Variants in TPH2 observed in about 807,000 individuals in gnomAD.
The protein encoded by TPH2 is tryptophan hydroxylase 2.
Under a neutral mutation model 59.1 loss-of-function variants are expected in TPH2, and 27 were observed. That is an observed-to-expected ratio of 0.46 (90% CI 0.34 to 0.63). The LOEUF is 0.63. Among genes scored for constraint, TPH2 ranks in the 30% least tolerant of loss-of-function variants. The pLI is 0.01. For synonymous variants in TPH2, 220 were observed against 210.5 expected (o/e 1.05, Z -0.39); for missense variants, 523 against 588.3 (o/e 0.89, Z 1.15).
chr12:71,989,419 A>G (rs1872525522), intron 7 of TPH2, among the ~76,000 whole-genome samples: 1 of 152,106 alleles, frequency 6.6e-6, no homozygotes, highest in Non-Finnish European at 1.5e-5. Flanking sequence ...TGAAAAACGC[A>G]CCCTATTTTG....
chr12:71,970,943 T>C (rs67472746), intron 5 of TPH2, among the ~76,000 whole-genome samples: 38,766 of 152,228 alleles, frequency 0.25, 5,516 homozygotes, highest in East Asian at 0.47. Context: ...GCAATTAATT[T>C]TTTTTAAACA....
chr12:72,013,696 C>T (rs184515504), intron 8 of TPH2, among the ~76,000 whole-genome samples: 1 of 152,182 alleles, frequency 6.6e-6, no homozygotes, highest in East Asian at 1.9e-4. Flanking sequence ...GTATCCCTAT[C>T]ATGCCTTTCT....
At chr12:72,024,006 CA>C (rs777223886) in intron 9 of TPH2, among the ~76,000 whole-genome samples, 2 of 152,094 alleles carry the variant, frequency 1.3e-5, no homozygotes, top group African/African-American at 2.4e-5. Context: ...GAAGATCACA[CA>C]GTTAATAAGT....
chr12:71,953,235 G>A (rs1340064144), intron 5 of TPH2, among the ~76,000 whole-genome samples: 2 of 152,104 alleles, frequency 1.3e-5, no homozygotes, highest in Non-Finnish European at 2.9e-5. Flanking sequence ...ATGAACTGAG[G>A]AAGGTGCCTA....
intron 5 of TPH2, among the ~76,000 whole-genome samples, chr12:71,956,504 CCTCCCTCCTTCCCTCCTTCCCTCCTTCT>C (rs1871507011): frequency 2.5e-4 from 2 of 7,994 alleles, no homozygotes; most frequent in Non-Finnish European, 3.2e-4. Flanking sequence ...TCTTTCCCTC[CCTCCCTCCTTCCCTCCTTCCCTCCTTCT>C]TTCCCTCCTT....
chr12:71,994,647 G>A lies in TPH2; in HGVS notation c.1068+82G>A, dbSNP rs1456405593. 4.5e-6 allele frequency: 7 copies of A among 1,541,200 alleles called. No homozygotes were observed. The African/African-American group carries it at 6.8e-5, about 15-fold the overall frequency. On this transcript the variant is annotated intron_variant, in intron 8 of 10. Coordinates refer to ENST00000333850, the MANE Select transcript of TPH2 (RefSeq NM_173353.4). ...AAAGCTTCAGGATTATTGACTATGA[G>A]TTATAGGTAAATGTTCTGGAGAAAA...
intron 9 of TPH2, among the ~76,000 whole-genome samples, chr12:72,026,508 C>A (rs1873571442): frequency 6.6e-6 from 1 of 152,042 alleles, no homozygotes; most frequent in African/African-American, 2.4e-5. Flanking sequence ...TAGAAGAGGC[C>A]CAAGGGCCTT....
chr12:71,966,813 A>C (rs1871831186), intron 5 of TPH2, among the ~76,000 whole-genome samples: 1 of 152,186 alleles, frequency 6.6e-6, no homozygotes. Context: ...TCCAATGAAT[A>C]AGTGAATTGC....
At chr12:72,015,315 G>GTTTTTTTTTTTTTTTTTTT (rs869231666) in intron 8 of TPH2, among the ~76,000 whole-genome samples, 1 of 98,974 alleles carries the variant, frequency 1.0e-5, no homozygotes, top group African/African-American at 3.9e-5. Context: ...TTTTTTGGTT[G>GTTTTTTTTTTTTTTTTTTT]TTTTTTTTTT....
intron 7 of TPH2, among the ~76,000 whole-genome samples, chr12:71,982,015 A>ATTTTGTTTTTTTTTTTTTTTTTTTTT (rs1872293228): frequency 3.3e-5 from 2 of 60,492 alleles, no homozygotes; most frequent in African/African-American, 1.2e-4. Flanking sequence ...TATCATTCGT[A>ATTTTGTTTTTTTTTTTTTTTTTTTTT]TTTTTTTTTT....
rs1460304497 is a variant in TPH2, at chr12:71,941,497, A to C, written c.106-87A>C. The C allele has an allele frequency of 2.7e-6, 4 of 1,500,394 alleles. No individual in the cohort carries two copies. In the East Asian group the frequency reaches 9.8e-5, roughly 37 times the overall value. 92.9% of individuals were successfully genotyped at this position (1,500,394 alleles called of 1,614,324 possible). On this transcript the variant is annotated intron_variant, in intron 1 of 10. Transcript: ENST00000333850. ...TGATTGGTGGAGCTTCCAGCTTATG[A>C]ATGACATGTATGGGAAAAATCTAAT...
chr12:71,977,844 A>C (rs1473416604), intron 6 of TPH2, among the ~76,000 whole-genome samples: 1 of 152,248 alleles, frequency 6.6e-6, no homozygotes, highest in African/African-American at 2.4e-5. Context: ...CTTGTGAGAA[A>C]AGAACAGAAC....
intron 8 of TPH2, among the ~76,000 whole-genome samples, chr12:72,006,646 CA>C (rs371804845): frequency 1.3e-5 from 2 of 152,130 alleles, no homozygotes; most frequent in African/African-American, 4.8e-5. Context: ...AACAATTTAG[CA>C]GGATTCTTGC....
At chr12:71,939,449 T>TGAG (rs1870996417) in intron 1 of TPH2, among the ~76,000 whole-genome samples, 2 of 150,590 alleles carry the variant, frequency 1.3e-5, no homozygotes, top group Non-Finnish European at 2.9e-5. Context: ...CCGTTTATTA[T>TGAG]GAGGAGGAGG....
intron 7 of TPH2, among the ~76,000 whole-genome samples, chr12:71,991,600 T>C (rs1440384753): frequency 6.6e-6 from 1 of 152,180 alleles, no homozygotes; most frequent in Non-Finnish European, 1.5e-5. Context: ...ATGGAGGTTT[T>C]CAGATTTTTC....
intron 9 of TPH2, among the ~76,000 whole-genome samples, chr12:72,029,700 A>G (rs533489259): frequency 3.8e-4 from 58 of 152,286 alleles, no homozygotes; most frequent in African/African-American, 1.3e-3. Flanking sequence ...TCACGCTGAG[A>G]GGCCCTCTGC....
At chr12:71,955,397 A>C (rs1871464778) in intron 5 of TPH2, among the ~76,000 whole-genome samples, 1 of 152,106 alleles carries the variant, frequency 6.6e-6, no homozygotes. Context: ...AACAATCTAG[A>C]CCAAAGGCAT....
chr12:72,016,007 G>T (rs137985750), intron 8 of TPH2, among the ~76,000 whole-genome samples: 1 of 152,202 alleles, frequency 6.6e-6, no homozygotes, highest in South Asian at 2.1e-4. Context: ...GTATCCATAA[G>T]TGCAGTTACT....
intron 6 of TPH2, among the ~76,000 whole-genome samples, chr12:71,973,716 T>G (rs1198748567): frequency 6.6e-6 from 1 of 152,254 alleles, no homozygotes; most frequent in Non-Finnish European, 1.5e-5. Context: ...CTTTGAATTC[T>G]TTGCGTGAGA....
Sources: gnomAD v4.1 joint callset for allele counts (sites outside exome capture counted in the v4.1 genomes callset) on GRCh38, gnomAD v4.1.1 for gene constraint, MANE v1.5 for transcripts, NCBI Gene and HGNC (gene_info 2026-07-23, HGNC 2026-07-21) for gene names.